ABCB5: variants seen among roughly 807,000 people sequenced by gnomAD.
ABCB5 encodes ATP binding cassette subfamily B member 5, also known as ATP-binding cassette sub-family B member 5.
Under a neutral mutation model 144.2 loss-of-function variants are expected in ABCB5, and 155 were observed. That is an observed-to-expected ratio of 1.08 (90% CI 0.94 to 1.23). ABCB5 has a LOEUF of 1.23. Among genes scored for constraint, ABCB5 ranks in the 50% most tolerant of loss-of-function variants. ABCB5 has a pLI of 0.00. For synonymous variants in ABCB5, 610 were observed against 528.6 expected (o/e 1.15, Z -2.11); for missense variants, 1,830 against 1,520.8 (o/e 1.20, Z -3.38).
intron 14 of ABCB5, among the ~76,000 whole-genome samples, chr7:20,679,299 C>T (rs1364916055): frequency 2.0e-5 from 3 of 151,838 alleles, no homozygotes; most frequent in Non-Finnish European, 2.9e-5. Flanking sequence ...AAAACCCCAT[C>T]TCTGCTAAAA....
Position 20,648,061 on chromosome 7 carries a change from T to C in ABCB5, c.1189T>C (p.Ser397Pro). 6.3e-7 allele frequency: 1 copy of C among 1,596,516 alleles called. No homozygotes were observed. Among genetic ancestry groups the C allele is most frequent in the Non-Finnish European group, 8.6e-7 (1 of 1,164,982 alleles). Residue 397 changes from serine to proline, a missense_variant, in exon 11 of 28, where the codon TCA becomes CCA. Physicochemically the swap from Ser to Pro is moderately conservative, Grantham distance 74 (BLOSUM62 -1). Coordinates refer to ENST00000404938, the MANE Select transcript of ABCB5 (RefSeq NM_001163941.2). ...EFKNVSFNYP[S>P]RPSIKILKGL... ...TAAAAATGTTTCTTTCAATTATCCA[T>C]CAAGACCATCTATCAAGGTAGGTTA...
intron 5 of ABCB5, among the ~76,000 whole-genome samples, chr7:20,642,112 G>A (rs559225505): frequency 6.6e-6 from 1 of 152,216 alleles, no homozygotes; most frequent in Admixed American, 6.5e-5. Context: ...AGCTGGAGTG[G>A]TCTTTTAAAA....
At position 20,666,672 on chromosome 7, in the gene ABCB5, T is replaced by G. The variant is rs375012946; in HGVS notation, c.1707+7996T>G. 2,021 of 1,492,554 alleles carry G rather than the reference T, an allele frequency of 1.4e-3. 46 individuals are homozygous for G. In the South Asian group the frequency reaches 0.028, roughly 20 times the overall value. 92.5% of individuals were successfully genotyped at this position (1,492,554 alleles called of 1,614,324 possible). On this transcript the variant is annotated intron_variant, in intron 14 of 27. Transcript: ENST00000404938. ...TCCTGGTGACCTTTGTTTGGTCAAATACCTAATTGTTTGGCTTTTAGCTTT... is the reference window on the plus strand; with the variant it reads ...TCCTGGTGACCTTTGTTTGGTCAAAGACCTAATTGTTTGGCTTTTAGCTTT...
intron 14 of ABCB5, among the ~76,000 whole-genome samples, chr7:20,670,829 A>C (rs997747815): frequency 6.6e-6 from 1 of 152,202 alleles, no homozygotes; most frequent in Admixed American, 6.5e-5. Flanking sequence ...GAATCGCTTG[A>C]ACCTGGGAGG....
intron 1 of ABCB5, among the ~76,000 whole-genome samples, chr7:20,622,906 T>C (rs572119807): frequency 1.3e-5 from 2 of 152,228 alleles, no homozygotes; most frequent in South Asian, 4.1e-4. Context: ...ATGAGATAGA[T>C]TAAAAATTTT....
In ABCB5 at chr7:20,650,151, A is replaced by G. The variant is rs1196081861; in HGVS notation, c.1332+4A>G. On this transcript the variant is annotated splice_donor_region_variant and intron_variant, in intron 12 of 27. Transcript: ENST00000404938. ...ATATGATCCGGATGATGGCTTTGTA[A>G]GTGCAGCTAGCAAAACCATGCACAG... is the stretch of plus-strand genomic sequence containing the variant. 2 of 1,613,222 alleles carry G rather than the reference A, an allele frequency of 1.2e-6. No homozygotes were observed. Among genetic ancestry groups the G allele is most frequent in the Non-Finnish European group, 8.5e-7 (1 of 1,179,444 alleles).
At chr7:20,674,095 C>A (rs1785532485) in intron 14 of ABCB5, among the ~76,000 whole-genome samples, 1 of 151,920 alleles carries the variant, frequency 6.6e-6, no homozygotes, top group African/African-American at 2.4e-5. Context: ...AGACATCTTA[C>A]TTCTACATAT....
intron 14 of ABCB5, chr7:20,667,110 T>G: frequency 1.4e-6 from 1 of 737,758 alleles, no homozygotes; most frequent in Non-Finnish European, 1.7e-6. Context: ...TATGGACCTC[T>G]GAGGCACAGT....
rs1784449775 is a variant in ABCB5, at chr7:20,647,658, C to G, written c.1095+10C>G. 1.9e-6 allele frequency: 3 copies of G among 1,552,340 alleles called. No individual in the cohort carries two copies. The highest frequency in any genetic ancestry group is 2.6e-6 in the Non-Finnish European group (3 of 1,148,616). On this transcript the variant is annotated intron_variant, in intron 10 of 27. Coordinates refer to ENST00000404938, the MANE Select transcript of ABCB5 (RefSeq NM_001163941.2). ...CCAGGTTATTGATAAGGTAAGACCTCTTATTGCTTTGAAGAATAACTATCA... is the reference window on the plus strand; with the variant it reads ...CCAGGTTATTGATAAGGTAAGACCTGTTATTGCTTTGAAGAATAACTATCA...
At chr7:20,626,084 C>A (rs897488625) in intron 2 of ABCB5, among the ~76,000 whole-genome samples, 1 of 152,152 alleles carries the variant, frequency 6.6e-6, no homozygotes, top group Admixed American at 6.5e-5. Context: ...CTATATGATT[C>A]TATTTTTCTG....
At chr7:20,745,054 C>T (rs10280418) in intron 25 of ABCB5, among the ~76,000 whole-genome samples, 178 bp from the exon 26 acceptor site, 128,325 of 152,218 alleles carry the variant, frequency 0.84, 54,198 homozygotes, top group East Asian at 0.89. Flanking sequence ...GTGAGTTACA[C>T]GCTGTTTGCT....
chr7:20,735,383 C>G (rs1782351102), intron 23 of ABCB5, among the ~76,000 whole-genome samples: 1 of 152,146 alleles, frequency 6.6e-6, no homozygotes. Context: ...AAAGGATGGA[C>G]AGAAGGGAGC....
chr7:20,685,750 A>C lies in ABCB5; in HGVS notation c.1924A>C (p.Lys642Gln). The C allele has an allele frequency of 6.2e-7, 1 of 1,613,654 alleles. No individual in the cohort carries two copies. Among genetic ancestry groups the C allele is most frequent in the Non-Finnish European group, 8.5e-7 (1 of 1,179,652 alleles). ...MESMTYSTERKTNSLPLHSVK... is the reference protein window; with the variant it reads ...MESMTYSTERQTNSLPLHSVK... ...GTCAATGACATATTCTACTGAAAGA[A>C]AGACCAACTCACTTCCTCTGCACTC... The change falls in exon 16 of 28, where the codon AAG becomes CAG. Residue 642 changes from lysine to glutamine, a missense_variant. Coordinates refer to ENST00000404938, the MANE Select transcript of ABCB5 (RefSeq NM_001163941.2).
intron 19 of ABCB5, among the ~76,000 whole-genome samples, chr7:20,703,978 T>C (rs1311436421): frequency 6.6e-6 from 1 of 151,872 alleles, no homozygotes; most frequent in Non-Finnish European, 1.5e-5. Flanking sequence ...ATCTTTATTA[T>C]ATGGCCCCTA....
At position 20,745,507 on chromosome 7, in the gene ABCB5, CA is replaced by C. The variant is rs551792051; in HGVS notation, c.3429+70del. 1,490 of 1,400,026 alleles carry C rather than the reference CA, an allele frequency of 1.1e-3. 11 individuals are homozygous for C. Among genetic ancestry groups the C allele is most frequent in the Middle Eastern group, 7.5e-3 (33 of 4,418 alleles). The allele number at this position is 1,400,026 out of a possible 1,614,324, so 86.7% of individuals were successfully genotyped here. A position where few individuals can be genotyped will look rare whatever the true frequency, so the allele number is the denominator to read the frequency against. ...AGGCTAAGTAGCTACTGGGCCTATG[CA>C]GTTGTTTTTATGTATTCCTTGGATT... On this transcript the variant is annotated intron_variant, in intron 26 of 27. Coordinates refer to ENST00000404938, the MANE Select transcript of ABCB5 (RefSeq NM_001163941.2).
At chr7:20,629,090 C>A (rs529421204) in intron 4 of ABCB5, among the ~76,000 whole-genome samples, 5 of 150,238 alleles carry the variant, frequency 3.3e-5, no homozygotes, top group African/African-American at 1.2e-4. Context: ...TCAGGGTTCT[C>A]CAGAGAAACA....
At chr7:20,639,024 T>C (rs1784226454) in intron 5 of ABCB5, among the ~76,000 whole-genome samples, 1 of 152,238 alleles carries the variant, frequency 6.6e-6, no homozygotes, top group Admixed American at 6.5e-5. Flanking sequence ...CAACACTTGT[T>C]ATTGTCTGCC....
intron 14 of ABCB5, among the ~76,000 whole-genome samples, chr7:20,668,974 TG>T (rs1485430912): frequency 4.3e-5 from 3 of 70,286 alleles, no homozygotes; most frequent in East Asian, 1.6e-3. Flanking sequence ...GGGAGGGAGG[TG>T]GGGGGGTCAG....
At chr7:20,745,519 T>G in intron 26 of ABCB5, 81 bp downstream of exon 26, 1 of 1,218,372 alleles carries the variant, frequency 8.2e-7, no homozygotes, top group African/African-American at 1.5e-5. Flanking sequence ...GTTGTTTTTA[T>G]GTATTCCTTG....
Sources: gnomAD v4.1 joint callset for allele counts (sites outside exome capture counted in the v4.1 genomes callset) on GRCh38, gnomAD v4.1.1 for gene constraint, MANE v1.5 for transcripts, NCBI Gene and HGNC (gene_info 2026-07-23, HGNC 2026-07-21) for gene names.